The following VSNL1 variants were observed in gnomAD, a reference collection of about 807,000 sequenced individuals.
VSNL1 encodes the protein visinin-like protein 1.
A neutral mutation model predicts 20.4 loss-of-function variants in VSNL1; 6 were observed. That is an observed-to-expected ratio of 0.29 (90% CI 0.16 to 0.58). VSNL1 has a LOEUF of 0.58. VSNL1 is among the 20% of genes least tolerant of loss of function. VSNL1 has a pLI of 0.90. For missense variants in VSNL1, 100 were observed against 234.5 expected (o/e 0.43, Z 3.75); for synonymous variants, 93 against 86.4 (o/e 1.08, Z -0.42).
At chr2:17,595,459 T>G (rs913525131) in intron 2 of VSNL1, among the ~76,000 whole-genome samples, 1 of 152,224 alleles carries the variant, frequency 6.6e-6, no homozygotes, top group African/African-American at 2.4e-5. Context: ...AATGGAATAT[T>G]AAAACAAGAA....
intron 2 of VSNL1, among the ~76,000 whole-genome samples, chr2:17,592,679 T>A (rs977791225): frequency 2.8e-5 from 2 of 71,200 alleles, no homozygotes; most frequent in African/African-American, 4.4e-5. Context: ...TTTTTTTTTT[T>A]ACCAGAAAAG....
chr2:17,638,291 G>C (rs952684508), intron 2 of VSNL1, among the ~76,000 whole-genome samples: 2 of 152,100 alleles, frequency 1.3e-5, no homozygotes, highest in Non-Finnish European at 2.9e-5. Flanking sequence ...GATTGTTGGC[G>C]GATTACACAA....
intron 2 of VSNL1, among the ~76,000 whole-genome samples, chr2:17,626,334 G>A (rs1036908216): frequency 2.0e-5 from 3 of 152,164 alleles, no homozygotes; most frequent in African/African-American, 7.2e-5. Context: ...CTTGGGGCCT[G>A]AGCCAACTAC....
intron 2 of VSNL1, among the ~76,000 whole-genome samples, chr2:17,612,530 C>G (rs1043928962): frequency 4.6e-5 from 7 of 152,196 alleles, no homozygotes; most frequent in Non-Finnish European, 1.0e-4. Flanking sequence ...AGAGATGAAC[C>G]TGCAGTCAAT....
At chr2:17,563,494 T>C (rs1464261347) in intron 1 of VSNL1, among the ~76,000 whole-genome samples, 4 of 152,196 alleles carry the variant, frequency 2.6e-5, no homozygotes, top group African/African-American at 4.8e-5. Context: ...TCTTCAGATA[T>C]TAAGTAAATA....
chr2:17,646,907 A>C (rs1666011161), intron 2 of VSNL1, among the ~76,000 whole-genome samples: 1 of 152,182 alleles, frequency 6.6e-6, no homozygotes, highest in Admixed American at 6.5e-5. Flanking sequence ...CTAGAGTTGA[A>C]TTATTTTGTC....
intron 1 of VSNL1, among the ~76,000 whole-genome samples, chr2:17,580,022 T>G (rs1169572404): frequency 1.3e-5 from 2 of 152,170 alleles, no homozygotes; most frequent in Non-Finnish European, 2.9e-5. Context: ...CAGAATCTGC[T>G]ATGTCACCAA....
chr2:17,598,051 T>A (rs963204884), intron 2 of VSNL1, among the ~76,000 whole-genome samples: 1 of 152,230 alleles, frequency 6.6e-6, no homozygotes, highest in Admixed American at 6.5e-5. Flanking sequence ...GACCAGCACC[T>A]AAATATTTGA....
intron 1 of VSNL1, among the ~76,000 whole-genome samples, chr2:17,550,600 A>G (rs1027633017): frequency 7.9e-5 from 12 of 152,192 alleles, no homozygotes. Flanking sequence ...CATGAGAGTA[A>G]CTGGGACTTC....
intron 1 of VSNL1, among the ~76,000 whole-genome samples, chr2:17,544,199 A>G (rs956174860): frequency 6.6e-6 from 1 of 152,170 alleles, no homozygotes; most frequent in Non-Finnish European, 1.5e-5. Context: ...TGAGTTTCTC[A>G]ACACCTTTAC....
At chr2:17,561,522 T>G (rs898010351) in intron 1 of VSNL1, among the ~76,000 whole-genome samples, 1 of 152,240 alleles carries the variant, frequency 6.6e-6, no homozygotes, top group Non-Finnish European at 1.5e-5. Flanking sequence ...TAAGCAATTT[T>G]ACTCCATCTT....
intron 2 of VSNL1, among the ~76,000 whole-genome samples, chr2:17,605,599 A>G (rs1040461346): frequency 1.9e-4 from 29 of 152,308 alleles, no homozygotes; most frequent in African/African-American, 6.5e-4. Flanking sequence ...TTCCCTCAAC[A>G]AAACAACCCA....
chr2:17,650,140 C>T (rs533694898), intron 3 of VSNL1, among the ~76,000 whole-genome samples: 5 of 152,258 alleles, frequency 3.3e-5, no homozygotes, highest in East Asian at 1.9e-4. Flanking sequence ...TTCTAATGCC[C>T]GGTTCCACTT....
At chr2:17,652,248 T>C (rs772132785) in intron 3 of VSNL1, among the ~76,000 whole-genome samples, 2 of 151,910 alleles carry the variant, frequency 1.3e-5, no homozygotes, top group Non-Finnish European at 2.9e-5. Flanking sequence ...TGTTTAGAGG[T>C]GAGGAACATG....
intron 1 of VSNL1, chr2:17,567,468 C>T (rs1006185255): frequency 3.4e-5 from 5 of 149,162 alleles, no homozygotes; most frequent in East Asian, 4.2e-4. Flanking sequence ...ACTCCATTCT[C>T]CTGCCTCAGC....
Position 17,656,043 on chromosome 2 carries a change from ATATC to A in VSNL1, c.*657_*660del, listed in dbSNP as rs1266160061. 3.3e-5 allele frequency: 5 copies of A among 152,812 alleles called. No homozygotes were observed. Among genetic ancestry groups the A allele is most frequent in the East Asian group, 3.9e-4 (2 of 5,188 alleles). The allele number at this position is 152,812 out of a possible 1,614,324, so 9.5% of individuals were successfully genotyped here. On this transcript the variant is annotated 3_prime_UTR_variant, in exon 4 of 4. Coordinates refer to ENST00000295156, the MANE Select transcript of VSNL1 (RefSeq NM_003385.5). ...CTGCTAAATGACTTATTGATTAAGTATATCTATCTATATATACATATACACAAAG... is the reference window on the plus strand; with the variant it reads ...CTGCTAAATGACTTATTGATTAAGTATATCTATATATACATATACACAAAG...
chr2:17,581,309 G>C (rs1429812517), intron 1 of VSNL1, among the ~76,000 whole-genome samples: 3 of 151,896 alleles, frequency 2.0e-5, no homozygotes, highest in Non-Finnish European at 4.4e-5. Flanking sequence ...CTCAGGTAAG[G>C]GTTTATCCTT....
intron 2 of VSNL1, among the ~76,000 whole-genome samples, chr2:17,624,644 G>C (rs188632097): frequency 1.3e-5 from 2 of 152,208 alleles, no homozygotes; most frequent in East Asian, 3.9e-4. Context: ...AAGGAGGAAG[G>C]GGCCACAAGT....
At chr2:17,610,057 C>T (rs1279368810) in intron 2 of VSNL1, among the ~76,000 whole-genome samples, 1 of 152,178 alleles carries the variant, frequency 6.6e-6, no homozygotes, top group African/African-American at 2.4e-5. Context: ...ACATAATGAG[C>T]AGGCCAGCAG....
Sources: gnomAD v4.1 joint callset for allele counts (sites outside exome capture counted in the v4.1 genomes callset) on GRCh38, gnomAD v4.1.1 for gene constraint, MANE v1.5 for transcripts, NCBI Gene and HGNC (gene_info 2026-07-23, HGNC 2026-07-21) for gene names.